VEGFC: variants seen among roughly 807,000 people sequenced by gnomAD.
VEGFC encodes FLT4 ligand DHM.
A neutral mutation model predicts 46.1 loss-of-function variants in VEGFC; 12 were observed. The ratio of observed to expected loss-of-function variants is 0.26; its 90% CI spans 0.17 to 0.42. VEGFC has a LOEUF of 0.42. Ranked by LOEUF, VEGFC falls within the 10% of genes least tolerant of loss-of-function variation. The pLI is 1.00. For synonymous variants in VEGFC, 232 were observed against 195.5 expected, an observed-to-expected ratio of 1.19 and a Z score of -1.56; for missense variants, 488 against 529.4, an observed-to-expected ratio of 0.92 and a Z score of 0.77.
At position 176,687,239 on chromosome 4, in the gene VEGFC, T is replaced by C; in HGVS notation, c.1093A>G (p.Ser365Gly). ...CCTTTTAACAAGCATTTCTGTGGACTTTCTGTACATTCACAGGCACATTTT... is the reference window on the plus strand; with the variant it reads ...CCTTTTAACAAGCATTTCTGTGGACCTTCTGTACATTCACAGGCACATTTT... ...PGKCACECTESPQKCLLKGKK... is the reference protein window; with the variant it reads ...PGKCACECTEGPQKCLLKGKK... Residue 365 changes from serine to glycine, a missense_variant, in exon 6 of 7, where the codon AGT becomes GGT. Coordinates refer to ENST00000618562, the MANE Select transcript of VEGFC (RefSeq NM_005429.5). 1 of 1,614,218 alleles carries C rather than the reference T, an allele frequency of 6.2e-7. No homozygotes were observed. The highest frequency in any genetic ancestry group is 8.5e-7 in the Non-Finnish European group (1 of 1,180,040).
In VEGFC at chr4:176,692,881, C is replaced by T. The variant is rs1398762611; in HGVS notation, c.705-4954G>A. Among the ~76,000 whole-genome samples the T allele has an allele frequency of 1.8e-4, 27 of 146,474 alleles. 1 individual carries two copies. The highest frequency in any genetic ancestry group is 2.7e-4 in the Non-Finnish European group (18 of 66,898). ...AGCAGGGGCACACTGACACCTCACACAGCAGGGTATTCCAACAGACCTGCA... is the reference window on the plus strand; with the variant it reads ...AGCAGGGGCACACTGACACCTCACATAGCAGGGTATTCCAACAGACCTGCA... On this transcript the variant is annotated intron_variant, in intron 4 of 6. Transcript: ENST00000618562.
chr4:176,733,600 G>A (rs898315092), intron 1 of VEGFC, among the ~76,000 whole-genome samples: 8 of 151,774 alleles, frequency 5.3e-5, no homozygotes, highest in Non-Finnish European at 8.8e-5. Context: ...GGCTAGAGGC[G>A]GAGAATGAGT....
At chr4:176,710,684 T>C (rs910230332) in intron 4 of VEGFC, among the ~76,000 whole-genome samples, 12 of 152,186 alleles carry the variant, frequency 7.9e-5, no homozygotes, top group Non-Finnish European at 1.5e-5. Flanking sequence ...GTTTCATCCA[T>C]ATGCACCGGA....
At chr4:176,745,845 C>T (rs1396012321) in intron 1 of VEGFC, among the ~76,000 whole-genome samples, 1 of 151,978 alleles carries the variant, frequency 6.6e-6, no homozygotes, top group Non-Finnish European at 1.5e-5. Context: ...TATCTTTTTG[C>T]AAATAATGGC....
intron 4 of VEGFC, chr4:176,705,849 A>G (rs1734524647): frequency 6.6e-6 from 1 of 152,206 alleles, no homozygotes; most frequent in Admixed American, 6.5e-5. Context: ...ATTAGCTTAT[A>G]AATATTCTGT....
intron 1 of VEGFC, among the ~76,000 whole-genome samples, chr4:176,785,277 C>T (rs1735982419): frequency 6.6e-6 from 1 of 152,182 alleles, no homozygotes; most frequent in Non-Finnish European, 1.5e-5. Context: ...CAAACCACAT[C>T]TTTCTGGTCT....
intron 1 of VEGFC, among the ~76,000 whole-genome samples, chr4:176,769,848 G>A (rs1441510039): frequency 6.6e-6 from 1 of 152,090 alleles, no homozygotes; most frequent in African/African-American, 2.4e-5. Context: ...TTCTGATTTG[G>A]CAGTTTATGC....
intron 3 of VEGFC, among the ~76,000 whole-genome samples, chr4:176,724,343 T>TA (rs1159070314): frequency 2.6e-5 from 4 of 152,176 alleles, no homozygotes; most frequent in Admixed American, 1.3e-4. Flanking sequence ...TATGTGATAC[T>TA]AAAAGAGATT....
chr4:176,690,243 G>A (rs11947611), intron 4 of VEGFC, among the ~76,000 whole-genome samples: 76,006 of 151,678 alleles, frequency 0.5, 19,109 homozygotes, highest in East Asian at 0.61. Flanking sequence ...TTACTTTTGA[G>A]AATGTCAAAC....
At chr4:176,740,118 T>TA (rs1204211304) in intron 1 of VEGFC, among the ~76,000 whole-genome samples, 12 of 100,818 alleles carry the variant, frequency 1.2e-4, no homozygotes, top group East Asian at 3.3e-4. Flanking sequence ...TATATATATA[T>TA]TCTATATATA....
At chr4:176,720,489 G>A (rs921566262) in intron 3 of VEGFC, among the ~76,000 whole-genome samples, 2 of 151,988 alleles carry the variant, frequency 1.3e-5, no homozygotes, top group African/African-American at 2.4e-5. Flanking sequence ...GCCAACTACT[G>A]TGCTATTGTT....
intron 3 of VEGFC, among the ~76,000 whole-genome samples, chr4:176,714,780 T>A (rs1734670831): frequency 6.6e-6 from 1 of 152,144 alleles, no homozygotes; most frequent in Admixed American, 6.5e-5. Flanking sequence ...CCTAGGTAGA[T>A]AATGTTCACA....
At chr4:176,787,976 T>C (rs1380804250) in intron 1 of VEGFC, among the ~76,000 whole-genome samples, 2 of 152,196 alleles carry the variant, frequency 1.3e-5, no homozygotes, top group African/African-American at 4.8e-5. Context: ...ATAGTATTTA[T>C]AAAATGCACA....
At chr4:176,749,750 G>T (rs1259015242) in intron 1 of VEGFC, among the ~76,000 whole-genome samples, 1 of 151,754 alleles carries the variant, frequency 6.6e-6, no homozygotes, top group African/African-American at 2.4e-5. Context: ...CTGAAATTGA[G>T]ATAGTATGTC....
intron 1 of VEGFC, among the ~76,000 whole-genome samples, chr4:176,750,021 C>T (rs1043387920): frequency 1.3e-5 from 2 of 151,520 alleles, no homozygotes; most frequent in Non-Finnish European, 3.0e-5. Flanking sequence ...AAAAATAGAT[C>T]GGTAAACAAT....
At chr4:176,755,685 A>G (rs971305624) in intron 1 of VEGFC, among the ~76,000 whole-genome samples, 2 of 152,032 alleles carry the variant, frequency 1.3e-5, no homozygotes, top group African/African-American at 4.8e-5. Context: ...ATGCTAGGTA[A>G]ATACTAAACT....
In VEGFC at chr4:176,683,966, C is replaced by G; in HGVS notation, c.1220G>C (p.Arg407Pro). 6.2e-7 allele frequency: 1 copy of G among 1,614,170 alleles called. No individual in the cohort carries two copies. The highest frequency in any genetic ancestry group is 8.5e-7 in the Non-Finnish European group (1 of 1,180,024). Residue 407 changes from arginine (R) to proline (P), a missense_variant, in exon 7 of 7, where the codon CGT becomes CCT. By Grantham distance (103) the Arg-to-Pro change is moderately radical. Transcript: ENST00000618562. ...TCTTTTCCAATATGAAGGGACACAA[C>G]GACACACTTCTTCACTATATGAAAA... ...PGFSYSEEVC[R>P]CVPSYWKRPQ...
At position 176,760,271 on chromosome 4, in the gene VEGFC, TA is replaced by T. The variant is rs1735506649; in HGVS notation, c.148-30526del. 1.3e-4 allele frequency among the ~76,000 whole-genome samples: 20 copies of T among 152,312 alleles called. 1 individual carries two copies. The highest frequency in any genetic ancestry group is 1.2e-3 in the Admixed American group (19 of 15,288). ...TTTTAGAAATTACCTACAAAGATCT[TA>T]AAGTTCTTCTGTAACTTGAAAAACA... On this transcript the variant is annotated intron_variant, in intron 1 of 6. Coordinates refer to ENST00000618562, the MANE Select transcript of VEGFC (RefSeq NM_005429.5).
chr4:176,725,570 T>C (rs1263172098), intron 3 of VEGFC, among the ~76,000 whole-genome samples: 3 of 152,190 alleles, frequency 2.0e-5, no homozygotes, highest in African/African-American at 7.2e-5. Flanking sequence ...GAGAAGGTTA[T>C]CTTATTAGTT....
Sources: allele counts gnomAD v4.1 joint callset (sites outside exome capture counted in the v4.1 genomes callset), GRCh38; gene constraint gnomAD v4.1.1; transcripts MANE v1.5; gene names NCBI Gene and HGNC (gene_info 2026-07-23, HGNC 2026-07-21).